Variants in CAST observed in about 807,000 individuals in gnomAD.
CAST encodes the protein MIR583 host.
Under a neutral mutation model 119.6 loss-of-function variants are expected in CAST, and 76 were observed. The ratio of observed to expected loss-of-function variants is 0.64; its 90% CI spans 0.53 to 0.77. CAST has a LOEUF of 0.77. Ranked by LOEUF, CAST falls within the 30% of genes least tolerant of loss-of-function variation. The probability of loss-of-function intolerance (pLI) is 0.00; values close to 1 mark genes in which losing one functional copy is unlikely to be tolerated. For missense variants in CAST, 953 were observed against 946.5 expected (o/e 1.01, Z -0.09); for synonymous variants, 319 against 331.6 (o/e 0.96, Z 0.41).
the CAST span, among the ~76,000 whole-genome samples, chr5:96,072,124 G>T: frequency 2.0e-5 from 3 of 152,120 alleles, no homozygotes; most frequent in Admixed American, 2.0e-4. Flanking sequence ...CTGGTGTTGG[G>T]AAAACACTAA....
At chr5:96,328,299 G>A in the CAST span, among the ~76,000 whole-genome samples, 3 of 151,718 alleles carry the variant, frequency 2.0e-5, no homozygotes, top group Admixed American at 6.6e-5. Context: ...ACTGGATGGA[G>A]TTATCTTCTG....
chr5:96,153,649 C>T, the CAST span, among the ~76,000 whole-genome samples: 4 of 152,122 alleles, frequency 2.6e-5, no homozygotes, highest in Admixed American at 1.3e-4. Flanking sequence ...TTTAAGGATC[C>T]AATTAGATTA....
the CAST span, among the ~76,000 whole-genome samples, chr5:96,488,665 T>C: frequency 6.6e-6 from 1 of 152,240 alleles, no homozygotes; most frequent in Non-Finnish European, 1.5e-5. Context: ...GAGGACTCCG[T>C]TTCCTTTCTT....
chr5:96,458,822 C>A, the CAST span, among the ~76,000 whole-genome samples: 1 of 151,998 alleles, frequency 6.6e-6, no homozygotes, highest in Admixed American at 6.6e-5. Flanking sequence ...CTAGGTTCCC[C>A]AACTTTCGCA....
chr5:96,359,158 C>G, the CAST span, among the ~76,000 whole-genome samples: 1 of 152,060 alleles, frequency 6.6e-6, no homozygotes, highest in African/African-American at 2.4e-5. Flanking sequence ...GATTGCAACC[C>G]CTGCTTTTTC....
chr5:96,283,957 G>A, the CAST span, among the ~76,000 whole-genome samples: 1 of 152,130 alleles, frequency 6.6e-6, no homozygotes, highest in Non-Finnish European at 1.5e-5. Context: ...TTCACCATGG[G>A]TTGGAAGGAG....
the CAST span, among the ~76,000 whole-genome samples, chr5:96,117,877 C>G: frequency 6.6e-6 from 1 of 152,340 alleles, no homozygotes; most frequent in South Asian, 2.1e-4. Context: ...TTTTTCCTAG[C>G]ATGCCTTTTG....
the CAST span, among the ~76,000 whole-genome samples, chr5:96,130,180 A>C: frequency 6.6e-6 from 1 of 152,026 alleles, no homozygotes; most frequent in Non-Finnish European, 1.5e-5. Flanking sequence ...ATCACCAACA[A>C]TGCTAAGTCA....
the CAST span, among the ~76,000 whole-genome samples, chr5:95,991,492 GTTTTGTTTTTTTTTTT>G: frequency 3.2e-4 from 39 of 123,366 alleles, no homozygotes; most frequent in African/African-American, 1.0e-3. Context: ...TTAACAACAA[GTTTTGTTTTTTTTTTT>G]TTTTTTTTTT....
the CAST span, chr5:96,393,165 A>C: frequency 6.2e-7 from 1 of 1,614,150 alleles, no homozygotes; most frequent in Non-Finnish European, 8.5e-7. Flanking sequence ...GCTTCGTAGA[A>C]GTTTTCATAA....
At chr5:96,522,527 A>C (rs945936616), upstream of CAST, among the ~76,000 whole-genome samples, 1 of 152,224 alleles carries the variant, frequency 6.6e-6, no homozygotes, top group African/African-American at 2.4e-5. Context: ...AGTAAAAAAA[A>C]CAATAGTCAT....
the CAST span, among the ~76,000 whole-genome samples, chr5:96,281,556 A>C: frequency 6.6e-6 from 1 of 152,190 alleles, no homozygotes; most frequent in Non-Finnish European, 1.5e-5. Flanking sequence ...ACGGCAAGTA[A>C]GACAATTATG....
chr5:96,226,308 C>G, the CAST span, among the ~76,000 whole-genome samples: 10 of 152,160 alleles, frequency 6.6e-5, no homozygotes, highest in African/African-American at 2.4e-4. Flanking sequence ...ACAGTAGGAA[C>G]TCTTCAAAAC....
At chr5:96,421,785 C>T in the CAST span, 1 of 804,070 alleles carries the variant, frequency 1.2e-6, no homozygotes, top group Middle Eastern at 3.2e-4. Flanking sequence ...ATTTCCTGAG[C>T]ACTGGAATGT....
chr5:96,491,207 C>T, the CAST span, among the ~76,000 whole-genome samples: 126 of 152,016 alleles, frequency 8.3e-4, 1 homozygote, highest in Non-Finnish European at 9.6e-4. Flanking sequence ...AAGACCAGGC[C>T]GGGCACGGTG....
At chr5:96,656,009 G>A (rs983004526) in intron 1 of CAST, among the ~76,000 whole-genome samples, 3 of 152,106 alleles carry the variant, frequency 2.0e-5, no homozygotes, top group Admixed American at 2.0e-4. Context: ...AGTTTTTATT[G>A]TTTGTTTTGG....
At chr5:96,147,016 C>T in the CAST span, among the ~76,000 whole-genome samples, 5 of 152,236 alleles carry the variant, frequency 3.3e-5, no homozygotes, top group South Asian at 2.1e-4. Context: ...AATGTAGGAG[C>T]GCACATGGAT....
the CAST span, among the ~76,000 whole-genome samples, chr5:96,515,750 T>C: frequency 3.9e-5 from 6 of 151,996 alleles, no homozygotes; most frequent in East Asian, 1.2e-3. Flanking sequence ...TTCTTCCCCT[T>C]CCTCCCTGCT....
chr5:96,072,905 A>G, the CAST span, among the ~76,000 whole-genome samples: 1 of 152,244 alleles, frequency 6.6e-6, no homozygotes, highest in African/African-American at 2.4e-5. Flanking sequence ...GCCCTGTGGC[A>G]AGAATGCTTC....
Sources: allele counts gnomAD v4.1 joint callset (sites outside exome capture counted in the v4.1 genomes callset), GRCh38; gene constraint gnomAD v4.1.1; transcripts MANE v1.5; gene names NCBI Gene and HGNC (gene_info 2026-07-23, HGNC 2026-07-21).